The following NPAS3 variants were observed in gnomAD, a reference collection of about 807,000 sequenced individuals.
NPAS3 encodes the protein neuronal PAS domain protein 3.
NPAS3 carries 14 observed loss-of-function variants against 73.1 expected under a neutral mutation model. That is an observed-to-expected ratio of 0.19 (90% confidence interval 0.13 to 0.30). The LOEUF is 0.30. Among genes scored for constraint, NPAS3 ranks in the 10% least tolerant of loss-of-function variants. The pLI is 1.00. For synonymous variants in NPAS3, 620 were observed against 541.5 expected (o/e 1.14, Z -2.01); for missense variants, 1,096 against 1,250.0 (o/e 0.88, Z 1.86).
chr14:32,981,035 C>T (rs988491362), intron 1 of NPAS3, among the ~76,000 whole-genome samples: 2 of 152,160 alleles, frequency 1.3e-5, no homozygotes, highest in African/African-American at 4.8e-5. Context: ...GTTAGAGGCT[C>T]ACACAGAAGA....
intron 4 of NPAS3, among the ~76,000 whole-genome samples, chr14:33,406,582 C>A (rs1007734856): frequency 6.6e-6 from 1 of 152,090 alleles, no homozygotes; most frequent in Non-Finnish European, 1.5e-5. Context: ...TTCATTCATG[C>A]CTCCACCTTT....
At chr14:33,328,703 C>T (rs1054249735) in intron 3 of NPAS3, among the ~76,000 whole-genome samples, 6 of 151,844 alleles carry the variant, frequency 4.0e-5, no homozygotes, top group Admixed American at 6.6e-5. Flanking sequence ...GTGATCCTCC[C>T]GCTTTGGCCT....
chr14:33,240,491 G>A (rs2048179950), intron 3 of NPAS3, among the ~76,000 whole-genome samples: 1 of 151,442 alleles, frequency 6.6e-6, no homozygotes, highest in Admixed American at 6.6e-5. Context: ...TGTGTTGATA[G>A]CCTTGTCTGT....
At chr14:33,062,925 T>C (rs2041158730) in intron 2 of NPAS3, among the ~76,000 whole-genome samples, 1 of 152,258 alleles carries the variant, frequency 6.6e-6, no homozygotes, top group African/African-American at 2.4e-5. Flanking sequence ...GGACTTAGTT[T>C]ATGCATTAGA....
Position 33,544,825 on chromosome 14 carries a change from A to ATATAATATATATATATATAAT in NPAS3, c.469-15293_469-15292insAATATATATATATATAATTAT. 9.8e-5 allele frequency among the ~76,000 whole-genome samples: 11 copies of ATATAATATATATATATATAAT among 112,176 alleles called. 1 individual carries two copies. Among genetic ancestry groups the ATATAATATATATATATATAAT allele is most frequent in the African/African-American group, 4.1e-4 (10 of 24,498 alleles). The allele number at this position is 112,176 out of a possible 152,430, so 73.6% of individuals were successfully genotyped here. Reference sequence around the variant, plus strand: ...ATATATATATATGTATATATAATATATATGTGTATATATATATTATATATA... The same window carrying ATATAATATATATATATATAAT: ...ATATATATATATGTATATATAATATATATAATATATATATATATAATTATGTGTATATATATATTATATATA... On this transcript the variant is annotated intron_variant, in intron 4 of 11. Coordinates refer to ENST00000356141, the Ensembl canonical transcript of NPAS3.
intron 4 of NPAS3, among the ~76,000 whole-genome samples, chr14:33,483,783 C>T (rs77696790): frequency 3.5e-4 from 54 of 152,272 alleles, no homozygotes; most frequent in African/African-American, 1.2e-3. Flanking sequence ...CTTTCCCCTC[C>T]GTTGAAATAT....
intron 5 of NPAS3, among the ~76,000 whole-genome samples, chr14:33,567,712 T>C (rs531549816): frequency 2.0e-5 from 3 of 152,362 alleles, no homozygotes; most frequent in Admixed American, 1.3e-4. Context: ...GTTTTACTTA[T>C]TTTAACTCCA....
intron 5 of NPAS3, among the ~76,000 whole-genome samples, chr14:33,628,916 C>G (rs1432110975): frequency 2.0e-5 from 3 of 152,174 alleles, no homozygotes; most frequent in African/African-American, 7.2e-5. Context: ...CCATGAACAT[C>G]CAATGCATAG....
At chr14:33,502,771 A>G (rs2052579751) in intron 4 of NPAS3, among the ~76,000 whole-genome samples, 1 of 151,942 alleles carries the variant, frequency 6.6e-6, no homozygotes, top group Non-Finnish European at 1.5e-5. Context: ...CTTCTGTCTT[A>G]CAGTCTATCC....
intron 2 of NPAS3, among the ~76,000 whole-genome samples, chr14:33,098,674 CT>C (rs1270430367): frequency 6.6e-6 from 1 of 152,098 alleles, no homozygotes; most frequent in Non-Finnish European, 1.5e-5. Flanking sequence ...AAAAGCAATT[CT>C]TAAAAAGAAA....
intron 5 of NPAS3, among the ~76,000 whole-genome samples, chr14:33,636,717 AGAGT>A (rs1308869251): frequency 1.3e-5 from 2 of 152,346 alleles, no homozygotes; most frequent in Non-Finnish European, 2.9e-5. Context: ...TGCCCTTCTC[AGAGT>A]CACACGGCTG....
intron 4 of NPAS3, among the ~76,000 whole-genome samples, chr14:33,466,571 G>C (rs867767478): frequency 1.3e-5 from 2 of 152,114 alleles, no homozygotes; most frequent in Non-Finnish European, 2.9e-5. Context: ...ACCTGAGACC[G>C]AGTAATTTAT....
chr14:33,540,795 A>C (rs1443292457), intron 4 of NPAS3, among the ~76,000 whole-genome samples: 3 of 152,218 alleles, frequency 2.0e-5, no homozygotes, highest in African/African-American at 7.2e-5. Context: ...AATGGGAACA[A>C]GACTAAAAGT....
At chr14:33,526,141 G>A (rs552146430) in intron 4 of NPAS3, among the ~76,000 whole-genome samples, 3 of 152,034 alleles carry the variant, frequency 2.0e-5, no homozygotes, top group Non-Finnish European at 4.4e-5. Context: ...AGAACTTACC[G>A]GGAGTACCTG....
At chr14:33,297,319 G>A (rs1416326064) in intron 3 of NPAS3, among the ~76,000 whole-genome samples, 1 of 152,088 alleles carries the variant, frequency 6.6e-6, no homozygotes. Flanking sequence ...TTAGATTTAT[G>A]CTATATAATG....
At chr14:33,182,331 G>T (rs545985581) in intron 2 of NPAS3, among the ~76,000 whole-genome samples, 4 of 152,230 alleles carry the variant, frequency 2.6e-5, no homozygotes, top group African/African-American at 9.6e-5. Flanking sequence ...AATTTTGAAC[G>T]CTTTTCTCCA....
chr14:33,119,046 T>C (rs1251945648), intron 2 of NPAS3, among the ~76,000 whole-genome samples: 1 of 152,014 alleles, frequency 6.6e-6, no homozygotes, highest in Non-Finnish European at 1.5e-5. Context: ...ACATTTTTTT[T>C]CCAGCACTGA....
intron 3 of NPAS3, among the ~76,000 whole-genome samples, chr14:33,279,830 G>C (rs1438899943): frequency 1.3e-5 from 2 of 152,092 alleles, no homozygotes; most frequent in African/African-American, 4.8e-5. Context: ...CAAAATAGCA[G>C]GTTGAATCGC....
At chr14:33,268,203 C>T (rs2040902550) in intron 3 of NPAS3, among the ~76,000 whole-genome samples, 1 of 152,028 alleles carries the variant, frequency 6.6e-6, no homozygotes, top group African/African-American at 2.4e-5. Context: ...CCCAGGACAG[C>T]ATTTCTGCTG....
Sources: allele counts gnomAD v4.1 joint callset (sites outside exome capture counted in the v4.1 genomes callset), GRCh38; gene constraint gnomAD v4.1.1; transcripts MANE v1.5; gene names NCBI Gene and HGNC (gene_info 2026-07-23, HGNC 2026-07-21).